MAML2: variants seen among roughly 807,000 people sequenced by gnomAD.
MAML2 encodes mastermind-like protein 2.
In MAML2, 22 loss-of-function variants were observed where a neutral mutation model predicts 96.1. The observed-to-expected ratio is 0.23, with a 90% confidence interval of 0.16 to 0.33. The LOEUF (loss-of-function observed/expected upper bound fraction) is 0.33. Ranked by LOEUF, MAML2 falls within the 10% of genes least tolerant of loss-of-function variation. The pLI is 1.00. For synonymous variants in MAML2, 561 were observed against 521.3 expected (o/e 1.08, Z -1.04); for missense variants, 1,367 against 1,392.4 (o/e 0.98, Z 0.29).
At chr11:96,142,846 A>T (rs1179158578) in intron 1 of MAML2, among the ~76,000 whole-genome samples, 1 of 152,226 alleles carries the variant, frequency 6.6e-6, no homozygotes, top group African/African-American at 2.4e-5. Flanking sequence ...CAGAATAAGA[A>T]AACAACTATT....
chr11:96,088,358 CT>C (rs1192212330), intron 2 of MAML2, among the ~76,000 whole-genome samples: 1 of 152,166 alleles, frequency 6.6e-6, no homozygotes, highest in African/African-American at 2.4e-5. Context: ...AAAATTCACA[CT>C]TTTAAGTGAC....
At chr11:96,129,934 C>T (rs1162450679) in intron 1 of MAML2, among the ~76,000 whole-genome samples, 1 of 152,216 alleles carries the variant, frequency 6.6e-6, no homozygotes, top group Non-Finnish European at 1.5e-5. Flanking sequence ...ATCTAACCTT[C>T]AGCCAAGGCT....
chr11:96,128,580 A>T (rs1860492170), intron 1 of MAML2, among the ~76,000 whole-genome samples: 1 of 152,160 alleles, frequency 6.6e-6, no homozygotes, highest in Non-Finnish European at 1.5e-5. Context: ...TGACACTAAG[A>T]TATTACACAG....
intron 1 of MAML2, among the ~76,000 whole-genome samples, chr11:96,151,070 G>A (rs11601193): frequency 0.1 from 15,217 of 152,154 alleles, 1,027 homozygotes; most frequent in Non-Finnish European, 0.15. Context: ...CATCATTGCT[G>A]AAACACAAAA....
rs193191642 is a variant in MAML2 at position 96,285,477 on chromosome 11, A to T, written c.513+55906T>A. ...AAAAAAGCAAAAATTGACAAATGGG[A>T]TCTAATTAAACTAAAGAGCTTCCGT... On this transcript the variant is annotated intron_variant, in intron 1 of 4. Coordinates refer to ENST00000524717, the MANE Select transcript of MAML2 (RefSeq NM_032427.4). 3.4e-4 allele frequency among the ~76,000 whole-genome samples: 52 copies of T among 152,338 alleles called. No homozygotes were observed. In the East Asian group the frequency reaches 9.8e-3, roughly 29 times the overall value.
At chr11:96,274,998 TG>T (rs1862967301) in intron 1 of MAML2, among the ~76,000 whole-genome samples, 1 of 152,148 alleles carries the variant, frequency 6.6e-6, no homozygotes, top group African/African-American at 2.4e-5. Flanking sequence ...AATTTATTGT[TG>T]CACTAATTCC....
intron 1 of MAML2, among the ~76,000 whole-genome samples, chr11:96,188,226 C>G (rs1045965321): frequency 6.6e-6 from 1 of 152,192 alleles, no homozygotes; most frequent in African/African-American, 2.4e-5. Flanking sequence ...TTTTCTTAAG[C>G]TTTCCCAAGT....
intron 1 of MAML2, among the ~76,000 whole-genome samples, chr11:96,312,937 T>C (rs764325880): frequency 2.0e-5 from 3 of 152,234 alleles, no homozygotes; most frequent in Non-Finnish European, 4.4e-5. Flanking sequence ...ATGCTAGTTA[T>C]AGGAAGCAAT....
At chr11:96,204,277 C>G (rs1861866472) in intron 1 of MAML2, among the ~76,000 whole-genome samples, 1 of 152,204 alleles carries the variant, frequency 6.6e-6, no homozygotes, top group Non-Finnish European at 1.5e-5. Context: ...ATTTATTGAG[C>G]ACCTACTACG....
intron 2 of MAML2, among the ~76,000 whole-genome samples, chr11:96,023,494 C>T (rs1180923709): frequency 1.3e-5 from 2 of 152,188 alleles, no homozygotes; most frequent in African/African-American, 4.8e-5. Flanking sequence ...GCAAGGCTCC[C>T]CAGAATGGAG....
intron 2 of MAML2, among the ~76,000 whole-genome samples, chr11:95,994,624 G>A (rs1386053136): frequency 6.6e-6 from 1 of 152,080 alleles, no homozygotes; most frequent in African/African-American, 2.4e-5. Flanking sequence ...AAGTGGTGGG[G>A]GAAGACATCA....
intron 2 of MAML2, among the ~76,000 whole-genome samples, chr11:96,072,865 A>T (rs1329902651): frequency 6.6e-6 from 1 of 152,106 alleles, no homozygotes; most frequent in African/African-American, 2.4e-5. Flanking sequence ...GATAAACTCC[A>T]TTTGTCACCC....
chr11:95,979,656 ATTG>A lies in MAML2; in HGVS notation c.2760_2762del (p.Asn921del). ...CAGATCCAGCTCCAAAAGTGGCTACATTGTTATTATTACTTGGCCCTAAGGTAG... is the reference window on the plus strand; with the variant it reads ...CAGATCCAGCTCCAAAAGTGGCTACATTATTATTACTTGGCCCTAAGGTAG... On this transcript the variant is annotated inframe_deletion, in exon 5 of 5. Transcript: ENST00000524717. 1 of 1,613,898 alleles carries A rather than the reference ATTG, an allele frequency of 6.2e-7. No individual in the cohort carries two copies. The highest frequency in any genetic ancestry group is 1.1e-5 in the South Asian group (1 of 91,066).
intron 1 of MAML2, among the ~76,000 whole-genome samples, chr11:96,155,743 G>A (rs1265202183): frequency 6.6e-6 from 1 of 151,364 alleles, no homozygotes; most frequent in Non-Finnish European, 1.5e-5. Context: ...CTCCTTGAAT[G>A]TGTACATTCC....
intron 2 of MAML2, among the ~76,000 whole-genome samples, chr11:95,995,734 T>C (rs1228383650): frequency 6.6e-6 from 1 of 152,168 alleles, no homozygotes; most frequent in Non-Finnish European, 1.5e-5. Flanking sequence ...CTCTTTTTGC[T>C]CTCCAGGTGG....
chr11:96,131,496 T>C (rs1860548973), intron 1 of MAML2, among the ~76,000 whole-genome samples: 1 of 152,312 alleles, frequency 6.6e-6, no homozygotes, highest in East Asian at 1.9e-4. Context: ...TATATGCTTT[T>C]CTCAAGTGTA....
chr11:95,993,352 G>A (rs970016377), intron 2 of MAML2, among the ~76,000 whole-genome samples: 1 of 152,152 alleles, frequency 6.6e-6, no homozygotes, highest in Non-Finnish European at 1.5e-5. Context: ...TGGTTCACCT[G>A]AGGTCAGGAG....
At chr11:96,333,198 G>A (rs1159124205) in intron 1 of MAML2, among the ~76,000 whole-genome samples, 1 of 152,128 alleles carries the variant, frequency 6.6e-6, no homozygotes, top group Admixed American at 6.5e-5. Flanking sequence ...AAATGTTAAT[G>A]ATTCCATGTT....
At chr11:96,178,112 A>C in intron 1 of MAML2, among the ~76,000 whole-genome samples, 1 of 147,660 alleles carries the variant, frequency 6.8e-6, no homozygotes. Context: ...TTTTGCTGAC[A>C]CAGCCAGGCT....
Sources: gnomAD v4.1 joint callset for allele counts (sites outside exome capture counted in the v4.1 genomes callset) on GRCh38, gnomAD v4.1.1 for gene constraint, MANE v1.5 for transcripts, NCBI Gene and HGNC (gene_info 2026-07-23, HGNC 2026-07-21) for gene names.